FAR1: variants seen among roughly 807,000 people sequenced by gnomAD.
FAR1 encodes male sterility domain-containing protein 2.
FAR1 carries 22 observed loss-of-function variants against 61.1 expected under a neutral mutation model. That is an observed-to-expected ratio of 0.36 (90% confidence interval 0.26 to 0.51). FAR1 has a LOEUF of 0.51. Ranked by LOEUF, FAR1 falls within the 20% of genes least tolerant of loss-of-function variation. The pLI is 0.95. For missense variants in FAR1, 359 were observed against 626.9 expected (o/e 0.57, Z 4.56); for synonymous variants, 206 against 209.7 (o/e 0.98, Z 0.15).
intron 11 of FAR1, among the ~76,000 whole-genome samples, chr11:13,728,378 T>C (rs1848687564): frequency 6.6e-6 from 1 of 151,950 alleles, no homozygotes; most frequent in African/African-American, 2.4e-5. Context: ...AAGTTTGCTC[T>C]ATTTTGTCTG....
At chr11:13,668,898 C>T (rs1398267538) in intron 1 of FAR1, 92 bp downstream of exon 1, 6 of 152,350 alleles carry the variant, frequency 3.9e-5, no homozygotes, top group Admixed American at 2.6e-4. Flanking sequence ...GGCTGCAGGC[C>T]TGGCCGAGGC....
At chr11:13,676,687 A>G (rs1481884433) in intron 1 of FAR1, among the ~76,000 whole-genome samples, 1 of 152,244 alleles carries the variant, frequency 6.6e-6, no homozygotes, top group Admixed American at 6.5e-5. Context: ...GATTATGAGC[A>G]TAAGCAGAAT....
intron 8 of FAR1, among the ~76,000 whole-genome samples, chr11:13,713,969 C>T (rs886750820): frequency 3.3e-5 from 5 of 151,894 alleles, no homozygotes; most frequent in African/African-American, 1.2e-4. Context: ...GTGACTATCT[C>T]AATATACATT....
chr11:13,668,974 C>T (rs1329732623), intron 1 of FAR1, among the ~76,000 whole-genome samples, 168 bp downstream of exon 1: 2 of 152,268 alleles, frequency 1.3e-5, no homozygotes, highest in African/African-American at 4.8e-5. Flanking sequence ...AGGGCGCCCG[C>T]CTCACCCCGG....
rs77509295 is a variant in FAR1 at position 13,680,098 on chromosome 11, T to C, written c.-8+11292T>C. Among the ~76,000 whole-genome samples the C allele has an allele frequency of 7.5e-3, 1,144 of 152,350 alleles. 12 individuals carry two copies. Among genetic ancestry groups the C allele is most frequent in the African/African-American group, 0.026 (1,070 of 41,582 alleles). On this transcript the variant is annotated intron_variant, in intron 1 of 11. Coordinates refer to ENST00000354817, the MANE Select transcript of FAR1 (RefSeq NM_032228.6). ...TTGAAAAAAGAAATGTTAACCAGGA[T>C]GCTACAGCTGATCTTTATTTGTGGA...
chr11:13,700,012 C>A (rs998200316), intron 2 of FAR1, among the ~76,000 whole-genome samples: 1 of 152,114 alleles, frequency 6.6e-6, no homozygotes, highest in Non-Finnish European at 1.5e-5. Flanking sequence ...AGGGGTGATA[C>A]AATCTAATCA....
rs974035275 is a variant in FAR1, at chr11:13,730,497, A to G, written c.*1723A>G. ...TATAAAGGTATAAGAGACCATGACA[A>G]TGTCTGAAAATGGAATAGATAATGA... On this transcript the variant is annotated 3_prime_UTR_variant, in exon 12 of 12. Coordinates refer to ENST00000354817, the MANE Select transcript of FAR1 (RefSeq NM_032228.6). 2.6e-5 allele frequency: 4 copies of G among 152,362 alleles called. No homozygotes were observed. The highest frequency in any genetic ancestry group is 2.1e-4 in the South Asian group (1 of 4,826). 9.4% of individuals were successfully genotyped at this position (152,362 alleles called of 1,614,324 possible).
chr11:13,700,329 T>C lies in FAR1; in HGVS notation c.202T>C (p.Leu68=). Residue 68 remains leucine (L), a synonymous_variant, in exon 3 of 12, where the codon TTG becomes CTG. Transcript: ENST00000354817. ...EVLSGKLFDR[L]RDENPDFREK... The stretch of plus-strand genomic sequence containing the variant: ...TCCCTCTTGATAGCTTTTTGACAGA[T>C]TGAGAGATGAAAATCCAGATTTTAG... The C allele has an allele frequency of 6.3e-7, 1 of 1,588,454 alleles. No homozygotes were observed. The highest frequency in any genetic ancestry group is 8.5e-7 in the Non-Finnish European group (1 of 1,171,762).
At chr11:13,671,498 G>A (rs1848003953) in intron 1 of FAR1, among the ~76,000 whole-genome samples, 1 of 152,132 alleles carries the variant, frequency 6.6e-6, no homozygotes, top group African/African-American at 2.4e-5. Flanking sequence ...ATATTTGATA[G>A]TTATAGGAGA....
At chr11:13,710,573 G>A (rs1848487052) in intron 4 of FAR1, 120 bp from the exon 5 acceptor site, 1 of 799,708 alleles carries the variant, frequency 1.3e-6, no homozygotes, top group South Asian at 2.7e-5. Context: ...TTCAGTAAAA[G>A]TTGTCAAATG....
intron 9 of FAR1, chr11:13,720,408 T>C (rs1394587512): frequency 6.6e-6 from 1 of 152,190 alleles, no homozygotes; most frequent in Admixed American, 6.5e-5. Context: ...AAGAGCAGCA[T>C]GTGTTTTTCC....
At chr11:13,687,862 C>A (rs1848205348) in intron 1 of FAR1, among the ~76,000 whole-genome samples, 1 of 146,440 alleles carries the variant, frequency 6.8e-6, no homozygotes, top group Non-Finnish European at 1.5e-5. Flanking sequence ...GACAAAAAAC[C>A]AAACACCGCA....
intron 1 of FAR1, among the ~76,000 whole-genome samples, chr11:13,678,422 G>A (rs1299935421): frequency 6.6e-6 from 1 of 152,070 alleles, no homozygotes; most frequent in African/African-American, 2.4e-5. Flanking sequence ...CTGCCACCAT[G>A]CCCAGCTAAT....
At position 13,721,140 on chromosome 11, in the gene FAR1, T is replaced by C. The variant is rs1477084157; in HGVS notation, c.1128-590T>C. On this transcript the variant is annotated intron_variant, in intron 9 of 11. Coordinates refer to ENST00000354817, the MANE Select transcript of FAR1 (RefSeq NM_032228.6). The surrounding 1 kb of genome is among the most constrained non-coding windows in gnomAD (Gnocchi z 4.2). ...TTCAGATAGTTTTCAGCATGAGTCA[T>C]TGATTTCACAGCACATCCAGATGAT... 4 of 152,306 alleles carry C rather than the reference T, an allele frequency of 2.6e-5. No individual in the cohort carries two copies. The highest frequency in any genetic ancestry group is 2.1e-4 in the South Asian group (1 of 4,834). The allele number at this position is 152,306 out of a possible 1,614,324, so 9.4% of individuals were successfully genotyped here.
intron 1 of FAR1, among the ~76,000 whole-genome samples, chr11:13,691,491 A>G (rs1404912977): frequency 1.3e-5 from 2 of 152,196 alleles, no homozygotes. Context: ...TCATCATTCG[A>G]AAGTAAAACT....
chr11:13,708,239 C>G (rs1057190579), intron 4 of FAR1, among the ~76,000 whole-genome samples, 160 bp downstream of exon 4: 1 of 152,036 alleles, frequency 6.6e-6, no homozygotes, highest in African/African-American at 2.4e-5. Context: ...TGGCAGGCGC[C>G]TGTAGTCCCA....
intron 3 of FAR1, among the ~76,000 whole-genome samples, chr11:13,704,231 A>G (rs1367299522): frequency 1.3e-5 from 2 of 152,060 alleles, no homozygotes; most frequent in Non-Finnish European, 2.9e-5. Context: ...AAACTGGAGA[A>G]TGTGAGGACA....
intron 1 of FAR1, among the ~76,000 whole-genome samples, chr11:13,694,423 A>G (rs1463389023): frequency 6.6e-6 from 1 of 152,206 alleles, no homozygotes; most frequent in Non-Finnish European, 1.5e-5. Flanking sequence ...TTTAGGGTAT[A>G]ACTGAGGTTG....
intron 10 of FAR1, among the ~76,000 whole-genome samples, chr11:13,722,895 A>G (rs535530865): frequency 6.6e-6 from 1 of 151,410 alleles, no homozygotes; most frequent in East Asian, 1.9e-4. Flanking sequence ...GTATATATGT[A>G]TACCAATATC....
Sources: allele counts gnomAD v4.1 joint callset (sites outside exome capture counted in the v4.1 genomes callset), GRCh38; gene constraint gnomAD v4.1.1; non-coding constraint Gnocchi (gnomAD v3.1); transcripts MANE v1.5; gene names NCBI Gene and HGNC (gene_info 2026-07-23, HGNC 2026-07-21).